CCT3: variants seen among roughly 807,000 people sequenced by gnomAD.
The protein encoded by CCT3 is T-complex protein 1 subunit gamma.
Under a neutral mutation model 65.3 loss-of-function variants are expected in CCT3, and 10 were observed. That is an observed-to-expected ratio of 0.15 (90% confidence interval 0.09 to 0.26). The LOEUF (loss-of-function observed/expected upper bound fraction) is 0.26, where lower values mean the gene tolerates loss of function less well. Ranked by LOEUF, CCT3 falls within the 10% of genes least tolerant of loss-of-function variation. The pLI is 1.00. For missense variants in CCT3, 626 were observed against 708.7 expected (o/e 0.88, Z 1.33); for synonymous variants, 225 against 242.3 (o/e 0.93, Z 0.66).
At chr1:156,313,439 G>A (rs747613368) in intron 10 of CCT3, among the ~76,000 whole-genome samples, 18 of 151,032 alleles carry the variant, frequency 1.2e-4, no homozygotes, top group African/African-American at 1.9e-4. Context: ...ATATGAAAGC[G>A]ACCTAATCAG....
chr1:156,319,931 T>C (rs545289392), intron 7 of CCT3, among the ~76,000 whole-genome samples: 64 of 152,308 alleles, frequency 4.2e-4, no homozygotes, highest in Admixed American at 9.2e-4. Flanking sequence ...ACCAAATGAC[T>C]GATGTATGCA....
At chr1:156,326,277 C>T (rs149599444) in intron 5 of CCT3, among the ~76,000 whole-genome samples, 286 of 152,106 alleles carry the variant, frequency 1.9e-3, no homozygotes, top group East Asian at 5.4e-3. Context: ...TGCAGTGAGC[C>T]GTGATCACAC....
At chr1:156,335,700 G>A (rs1322098588) in intron 2 of CCT3, 127 bp downstream of exon 2, 3 of 673,814 alleles carry the variant, frequency 4.5e-6, no homozygotes, top group Admixed American at 2.7e-5. Flanking sequence ...TTCTGAAAGA[G>A]GTCAACTTTT....
chr1:156,318,036 C>T (rs1262870282), intron 8 of CCT3, among the ~76,000 whole-genome samples: 1 of 151,840 alleles, frequency 6.6e-6, no homozygotes, highest in Non-Finnish European at 1.5e-5. Flanking sequence ...CATTATAAAA[C>T]AACCAGAACT....
In CCT3 at chr1:156,318,877, T is replaced by C. The variant is rs1664421270; in HGVS notation, c.750A>G (p.Gly250=). 5 of 1,612,542 alleles carry C rather than the reference T, an allele frequency of 3.1e-6. No individual in the cohort carries two copies. The highest frequency in any genetic ancestry group is 3.4e-6 in the Non-Finnish European group (4 of 1,179,522). Residue 250 remains glycine, a synonymous_variant, in exon 8 of 14, where the codon GGA becomes GGG. Coordinates refer to ENST00000295688, the MANE Select transcript of CCT3 (RefSeq NM_005998.5). ...AGGCCAAGAACCTTACCTGGCTTTC[T>C]CCTTTCTTGTATTCCAGAGAAGAAT... ...LLDSSLEYKK[G]ESQTDIEITR... is the part of the protein sequence containing the mutation.
At chr1:156,327,868 G>A (rs1456186410) in intron 5 of CCT3, among the ~76,000 whole-genome samples, 2 of 145,702 alleles carry the variant, frequency 1.4e-5, no homozygotes, top group Non-Finnish European at 3.0e-5. Context: ...GCCGCCCATC[G>A]TCTGGGATGT....
At chr1:156,335,296 T>C (rs1222943409) in intron 2 of CCT3, 1 of 202,614 alleles carries the variant, frequency 4.9e-6, no homozygotes, top group Non-Finnish European at 1.0e-5. Flanking sequence ...GCTTTCAGAA[T>C]GGATACAGAA....
At chr1:156,324,949 C>G in intron 6 of CCT3, 23 bp downstream of exon 6, 1 of 1,478,460 alleles carries the variant, frequency 6.8e-7, no homozygotes, top group Non-Finnish European at 9.5e-7. Flanking sequence ...TTTGATACTA[C>G]CTATTTCTTG....
At chr1:156,315,113 G>A (rs995921894) in intron 10 of CCT3, among the ~76,000 whole-genome samples, 2 of 152,092 alleles carry the variant, frequency 1.3e-5, no homozygotes, top group South Asian at 2.1e-4. Flanking sequence ...AGACCAGCCC[G>A]TTCTTCCTCC....
intron 1 of CCT3, chr1:156,337,100 G>A: frequency 2.3e-6 from 3 of 1,285,346 alleles, no homozygotes; most frequent in Non-Finnish European, 3.0e-6. Flanking sequence ...AATGGAGGTG[G>A]TGCTCATCAG....
chr1:156,311,035 G>T lies in CCT3; in HGVS notation c.1316C>A (p.Ala439Asp). ...AATGACCTCTAGGGCCTGGGCAACAGCCCTGTATGGCCATTGTTCCACACC... is the reference window on the plus strand; with the variant it reads ...AATGACCTCTAGGGCCTGGGCAACATCCCTGTATGGCCATTGTTCCACACC... ...MTGVEQWPYR[A>D]VAQALEVIPR... is the part of the protein sequence containing the mutation. The change falls in exon 12 of 14, where the codon GCT (alanine) becomes GAT (aspartate). Residue 439 changes from alanine to aspartate, a missense_variant. By Grantham distance (126) the Ala-to-Asp change is moderately radical. Coordinates refer to ENST00000295688, the MANE Select transcript of CCT3 (RefSeq NM_005998.5). 1 of 1,614,116 alleles carries T rather than the reference G, an allele frequency of 6.2e-7. No individual in the cohort carries two copies. The highest frequency in any genetic ancestry group is 8.5e-7 in the Non-Finnish European group (1 of 1,180,018).
chr1:156,321,370 C>G (rs1479994912), intron 6 of CCT3, among the ~76,000 whole-genome samples: 2 of 152,012 alleles, frequency 1.3e-5, no homozygotes, highest in African/African-American at 4.8e-5. Context: ...TTTTATGAAA[C>G]TTTATCCCAT....
At chr1:156,338,051 C>T (rs950349319) in intron 1 of CCT3, 103 bp downstream of exon 1, 3 of 1,273,674 alleles carry the variant, frequency 2.4e-6, no homozygotes, top group Admixed American at 2.0e-5. Flanking sequence ...GATTGGAAGG[C>T]TCAGTGGCCC....
chr1:156,337,127 G>C, intron 1 of CCT3: 1 of 1,281,640 alleles, frequency 7.8e-7, no homozygotes, highest in Non-Finnish European at 1.0e-6. Context: ...ATAAGGGACC[G>C]GGCGCGGTGG....
chr1:156,319,206 G>A (rs1421004426), intron 7 of CCT3, among the ~76,000 whole-genome samples, 189 bp from the exon 8 acceptor site: 5 of 150,202 alleles, frequency 3.3e-5, no homozygotes, highest in African/African-American at 1.2e-4. Context: ...TCCGCCTCCC[G>A]GGTTCACGCC....
In CCT3 at chr1:156,334,727, C is replaced by T; in HGVS notation, c.193G>A (p.Ala65Thr). The T allele has an allele frequency of 6.2e-7, 1 of 1,614,026 alleles. No individual in the cohort carries two copies. The highest frequency in any genetic ancestry group is 1.3e-5 in the African/African-American group (1 of 75,032). The change falls in exon 4 of 14, where the codon GCC becomes ACC. Residue 65 changes from alanine to threonine, a missense_variant. Physicochemically the swap from Ala to Thr is moderately conservative, Grantham distance 58 (BLOSUM62 0). Coordinates refer to ENST00000295688, the MANE Select transcript of CCT3 (RefSeq NM_005998.5). ...GGIVMTNDGN[A>T]ILREIQVQHP... ...ACAAAACACACCTCTCGAAGAATGGCATTGCCATCATTGGTCATCACAATG... is the reference window on the plus strand; with the variant it reads ...ACAAAACACACCTCTCGAAGAATGGTATTGCCATCATTGGTCATCACAATG...
chr1:156,338,123 G>A (rs1248811712), intron 1 of CCT3, 31 bp downstream of exon 1: 1 of 1,574,032 alleles, frequency 6.4e-7, no homozygotes, highest in Non-Finnish European at 8.6e-7. Flanking sequence ...GGCGAAAAGG[G>A]GGTCCATTTC....
In CCT3 at chr1:156,309,322, A is replaced by G; in HGVS notation, c.1534-19T>C. The G allele has an allele frequency of 6.5e-7, 1 of 1,530,306 alleles. No homozygotes were observed. Among genetic ancestry groups the G allele is most frequent in the Non-Finnish European group, 9.1e-7 (1 of 1,103,678 alleles). The allele number at this position is 1,530,306 out of a possible 1,614,324, so 94.8% of individuals were successfully genotyped here. ...CTGCCGTCTAGGAGAAAAACCACAG[A>G]TGCAAAGAGGTCAGCAGAGAAGGAA... On this transcript the variant is annotated intron_variant, in intron 13 of 13. Coordinates refer to ENST00000295688, the MANE Select transcript of CCT3 (RefSeq NM_005998.5).
At chr1:156,331,688 CATAA>C (rs569261761) in intron 5 of CCT3, among the ~76,000 whole-genome samples, 103 of 150,512 alleles carry the variant, frequency 6.8e-4, no homozygotes, top group Admixed American at 1.5e-3. Flanking sequence ...GTCTCAAAAA[CATAA>C]ATAAATAAAT....
Sources: gnomAD v4.1 joint callset for allele counts (sites outside exome capture counted in the v4.1 genomes callset) on GRCh38, gnomAD v4.1.1 for gene constraint, MANE v1.5 for transcripts, NCBI Gene and HGNC (gene_info 2026-07-23, HGNC 2026-07-21) for gene names.